STK38: variants seen among roughly 807,000 people sequenced by gnomAD.
STK38 encodes serine/threonine-protein kinase 38.
Under a neutral mutation model 59.0 loss-of-function variants are expected in STK38, and 26 were observed. That is an observed-to-expected ratio of 0.44 (90% CI 0.32 to 0.61). The LOEUF is 0.61. STK38 is among the 20% of genes least tolerant of loss of function. The pLI is 0.04. For missense variants in STK38, 433 were observed against 566.0 expected (o/e 0.76, Z 2.38); for synonymous variants, 175 against 176.6 (o/e 0.99, Z 0.07).
intron 9 of STK38, among the ~76,000 whole-genome samples, chr6:36,502,809 C>A (rs1776872156): frequency 6.6e-6 from 1 of 152,162 alleles, no homozygotes; most frequent in African/African-American, 2.4e-5. Flanking sequence ...ATTTTGCCAT[C>A]TATCTCTCTA....
intron 1 of STK38, among the ~76,000 whole-genome samples, chr6:36,543,266 C>CT (rs1471855694): frequency 6.6e-6 from 1 of 151,902 alleles, no homozygotes; most frequent in East Asian, 2.0e-4. Context: ...AGGGTTTCAC[C>CT]GTGTTAGCCA....
intron 2 of STK38, among the ~76,000 whole-genome samples, chr6:36,526,380 G>C (rs1410311428): frequency 1.3e-5 from 2 of 152,128 alleles, no homozygotes; most frequent in African/African-American, 2.4e-5. Context: ...CATGAGGAAA[G>C]GGTAACAAAC....
At chr6:36,526,222 T>G (rs1008177418) in intron 2 of STK38, among the ~76,000 whole-genome samples, 2 of 51,580 alleles carry the variant, frequency 3.9e-5, no homozygotes, top group African/African-American at 1.4e-4. Context: ...TTTTGGGTGT[T>G]TTTTTTTTTT....
chr6:36,509,158 G>A (rs1338627339), intron 7 of STK38, among the ~76,000 whole-genome samples: 2 of 152,174 alleles, frequency 1.3e-5, no homozygotes, highest in African/African-American at 2.4e-5. Context: ...TTCTTGTCCT[G>A]CATTCAGGAA....
chr6:36,500,041 A>C (rs1356222830), intron 9 of STK38, 51 bp from the exon 10 acceptor site: 6 of 1,431,066 alleles, frequency 4.2e-6, no homozygotes, highest in South Asian at 1.1e-5. Context: ...GGAGGTGCCC[A>C]GAGTTCTGTT....
intron 4 of STK38, among the ~76,000 whole-genome samples, chr6:36,523,684 C>T (rs1396001295): frequency 6.6e-6 from 1 of 152,224 alleles, no homozygotes; most frequent in East Asian, 1.9e-4. Context: ...TTCAAGCTCT[C>T]CCCAACAGAT....
intron 10 of STK38, among the ~76,000 whole-genome samples, chr6:36,499,309 C>T (rs535868382): frequency 9.1e-4 from 138 of 152,288 alleles, no homozygotes; most frequent in African/African-American, 3.2e-3. Context: ...TCCCTCCAGA[C>T]GGTGTACGCC....
intron 7 of STK38, among the ~76,000 whole-genome samples, chr6:36,507,813 T>A (rs1232759047): frequency 6.6e-6 from 1 of 152,218 alleles, no homozygotes; most frequent in Admixed American, 6.5e-5. Context: ...CTGCATATCA[T>A]CTTTGGTTTT....
chr6:36,531,794 C>T (rs3798471), intron 2 of STK38, among the ~76,000 whole-genome samples: 60,169 of 152,032 alleles, frequency 0.4, 13,247 homozygotes, highest in African/African-American at 0.56. Flanking sequence ...TTTATGTTTA[C>T]ACAGGAAACA....
At chr6:36,506,705 T>TA in intron 8 of STK38, 61 bp from the exon 9 acceptor site, 3 of 1,481,934 alleles carry the variant, frequency 2.0e-6, no homozygotes, top group Non-Finnish European at 2.8e-6. Flanking sequence ...CTACTTTTTT[T>TA]AGTAGGCTCT....
chr6:36,515,224 T>A, intron 7 of STK38, 114 bp downstream of exon 7: 1 of 1,254,898 alleles, frequency 8.0e-7, no homozygotes, highest in South Asian at 1.8e-5. Context: ...AGGAAAATCA[T>A]GACAAGGCAG....
In STK38 at chr6:36,504,704, C is replaced by T. The variant is rs116513113; in HGVS notation, c.834+1879G>A. Among the ~76,000 whole-genome samples, 785 of 152,078 alleles carry T rather than the reference C, an allele frequency of 5.2e-3. 9 individuals are homozygous for T. The highest frequency in any genetic ancestry group is 0.017 in the African/African-American group (723 of 41,504). ...TTTTTAACTATTAAATGACATTTAA[C>T]TGCAAATACGAAAATTGTGAAATTG... On this transcript the variant is annotated intron_variant, in intron 9 of 13. Coordinates refer to ENST00000229812, the MANE Select transcript of STK38 (RefSeq NM_007271.4).
intron 9 of STK38, among the ~76,000 whole-genome samples, chr6:36,504,563 A>G (rs763432243): frequency 1.3e-5 from 2 of 152,228 alleles, no homozygotes; most frequent in East Asian, 1.9e-4. Flanking sequence ...ATGAAAAGAG[A>G]TAATATGAAG....
chr6:36,507,327 A>C (rs1366215964), intron 8 of STK38, among the ~76,000 whole-genome samples, 173 bp downstream of exon 8: 1 of 152,034 alleles, frequency 6.6e-6, no homozygotes, highest in South Asian at 2.1e-4. Context: ...GTACCCACTC[A>C]TTCATCTTGC....
chr6:36,496,878 A>G, intron 12 of STK38, 73 bp from the exon 13 acceptor site: 2 of 1,082,720 alleles, frequency 1.8e-6, no homozygotes, highest in Non-Finnish European at 2.7e-6. Flanking sequence ...GTCTTTCTCC[A>G]AAAAAGACCC....
At chr6:36,496,834 C>T (rs1434826940) in intron 12 of STK38, 29 bp from the exon 13 acceptor site, 1 of 1,529,976 alleles carries the variant, frequency 6.5e-7, no homozygotes, top group Admixed American at 1.7e-5. Flanking sequence ...CCAAAAATTA[C>T]TAAGTTAGTA....
chr6:36,529,169 G>A (rs1777608729), intron 2 of STK38, among the ~76,000 whole-genome samples: 1 of 152,176 alleles, frequency 6.6e-6, no homozygotes, highest in East Asian at 1.9e-4. Flanking sequence ...TAGATTCATG[G>A]TGGCATTTGC....
rs1321593134 is a variant in STK38 at position 36,523,264 on chromosome 6, TG to T, written c.306+1076del. On this transcript the variant is annotated intron_variant, in intron 4 of 13. Transcript: ENST00000229812. Reference sequence around the variant, plus strand: ...CATTTCCCCGGGGTACCAGGTTTTTTGTTTTTTTTTTTTTTTGAGATGGAGT... The same window carrying T: ...CATTTCCCCGGGGTACCAGGTTTTTTTTTTTTTTTTTTTTTGAGATGGAGT... Among the ~76,000 whole-genome samples the T allele has an allele frequency of 1.7e-3, 226 of 136,552 alleles. 1 individual carries two copies. Among genetic ancestry groups the T allele is most frequent in the African/African-American group, 4.9e-3 (178 of 36,440 alleles). 89.6% of individuals were successfully genotyped at this position (136,552 alleles called of 152,430 possible).
At chr6:36,514,258 G>A (rs115469153) in intron 7 of STK38, among the ~76,000 whole-genome samples, 1 of 149,278 alleles carries the variant, frequency 6.7e-6, no homozygotes, top group Non-Finnish European at 1.5e-5. Flanking sequence ...AGATTGCAGT[G>A]AGCTATAACT....
Sources: gnomAD v4.1 joint callset for allele counts (sites outside exome capture counted in the v4.1 genomes callset) on GRCh38, gnomAD v4.1.1 for gene constraint, MANE v1.5 for transcripts, NCBI Gene and HGNC (gene_info 2026-07-23, HGNC 2026-07-21) for gene names.